The following CCNDBP1 variants were observed in gnomAD, a reference collection of about 807,000 sequenced individuals.
CCNDBP1 encodes the protein cyclin D1 binding protein 1, also known as cyclin-D1-binding protein 1.
In CCNDBP1, 45 loss-of-function variants were observed where a neutral mutation model predicts 46.2. That is an observed-to-expected ratio of 0.97 (90% CI 0.77 to 1.25). CCNDBP1 has a LOEUF of 1.25. Ranked by LOEUF, CCNDBP1 falls within the 50% of genes most tolerant of loss-of-function variation. CCNDBP1 has a pLI of 0.00. For synonymous variants in CCNDBP1, 154 were observed against 163.6 expected, an observed-to-expected ratio of 0.94 and a Z score of 0.45; for missense variants, 436 against 442.1, an observed-to-expected ratio of 0.99 and a Z score of 0.12.
rs2042022087 is a variant in CCNDBP1, at chr15:43,195,099, C to T, written c.*258C>T. The T allele has an allele frequency of 3.0e-6, 1 of 330,050 alleles. No individual in the cohort carries two copies. The highest frequency in any genetic ancestry group is 5.1e-5 in the East Asian group (1 of 19,714). 20.4% of individuals were successfully genotyped at this position (330,050 alleles called of 1,614,324 possible). A position where few individuals can be genotyped will look rare whatever the true frequency, so the allele number is the denominator to read the frequency against. The stretch of plus-strand genomic sequence containing the variant: ...TTCCTGAGTCATTTCTCAGAGATTC[C>T]TAGGAAAGCTGCCTTATTCTCTTTT... On this transcript the variant is annotated 3_prime_UTR_variant, in exon 11 of 11. Transcript: ENST00000300213.
intron 2 of CCNDBP1, 103 bp downstream of exon 2, chr15:43,185,982 G>A: frequency 7.9e-7 from 1 of 1,267,600 alleles, no homozygotes; most frequent in Non-Finnish European, 1.1e-6. Context: ...CTCCCCCGCT[G>A]CATCCTTTCT....
chr15:43,185,683 G>A (rs1055744562), intron 1 of CCNDBP1, 76 bp downstream of exon 1: 3 of 1,271,444 alleles, frequency 2.4e-6, no homozygotes, highest in Admixed American at 4.4e-5. Context: ...CGGGGTCGGG[G>A]AGAGGCCGGG....
intron 3 of CCNDBP1, among the ~76,000 whole-genome samples, chr15:43,187,695 CCTTT>C (rs2041876087): frequency 6.6e-6 from 1 of 152,064 alleles, no homozygotes; most frequent in Non-Finnish European, 1.5e-5. Context: ...TCTGCTAACC[CCTTT>C]CTTTCAAATG....
chr15:43,187,865 A>T (rs2041878347), intron 3 of CCNDBP1, among the ~76,000 whole-genome samples: 1 of 152,278 alleles, frequency 6.6e-6, no homozygotes, highest in South Asian at 2.1e-4. Context: ...ATTCAAGTAT[A>T]TACATATATT....
At position 43,189,077 on chromosome 15, in the gene CCNDBP1, CAAAAAAAAAA is replaced by C. The variant is rs763476042; in HGVS notation, c.250-104_250-95del. 1.2e-4 allele frequency: 19 copies of C among 152,196 alleles called. No individual in the cohort carries two copies. The African/African-American group carries it at 1.2e-3, about 10-fold the overall frequency. 9.4% of individuals were successfully genotyped at this position (152,196 alleles called of 1,614,324 possible). ...TGGGTGACAGAGTGAGACTCTGTCT[CAAAAAAAAAA>C]AAAAAAAAAAAAAAAAAGAAAAAGA... On this transcript the variant is annotated intron_variant, in intron 3 of 10. Coordinates refer to ENST00000300213, the MANE Select transcript of CCNDBP1 (RefSeq NM_012142.5).
rs540664090 is a variant in CCNDBP1, at chr15:43,189,468, C to T, written c.331+188C>T. The T allele has an allele frequency of 1.6e-5, 8 of 501,648 alleles. No individual in the cohort carries two copies. In the East Asian group the frequency reaches 2.4e-4, roughly 15 times the overall value. 31.1% of individuals were successfully genotyped at this position (501,648 alleles called of 1,614,324 possible). ...ATTCTAAGATACAGATGCTTTGTTCCTATGACTTCCCATCTCCCCTGCCTT... is the reference window on the plus strand; with the variant it reads ...ATTCTAAGATACAGATGCTTTGTTCTTATGACTTCCCATCTCCCCTGCCTT... On this transcript the variant is annotated intron_variant, in intron 4 of 10. Coordinates refer to ENST00000300213, the MANE Select transcript of CCNDBP1 (RefSeq NM_012142.5).
intron 4 of CCNDBP1, 57 bp from the exon 5 acceptor site, chr15:43,189,998 G>A: frequency 7.0e-7 from 1 of 1,432,832 alleles, no homozygotes; most frequent in East Asian, 2.3e-5. Context: ...ACTCAGGAAA[G>A]CAGATGGTGC....
At chr15:43,185,991 C>G (rs2041819806) in intron 2 of CCNDBP1, 112 bp downstream of exon 2, 1 of 1,212,914 alleles carries the variant, frequency 8.2e-7, no homozygotes, top group Non-Finnish European at 1.2e-6. Flanking sequence ...TGCATCCTTT[C>G]TGTGAGGTAC....
intron 3 of CCNDBP1, among the ~76,000 whole-genome samples, chr15:43,187,190 ATAGG>A (rs953946820): frequency 6.6e-6 from 1 of 151,924 alleles, no homozygotes; most frequent in Non-Finnish European, 1.5e-5. Context: ...GTCTACATAT[ATAGG>A]TGTTTGGAAA....
intron 9 of CCNDBP1, chr15:43,193,008 C>G (rs2041980841): frequency 3.5e-6 from 2 of 570,016 alleles, no homozygotes; most frequent in Admixed American, 3.0e-5. Flanking sequence ...TTTGGTAGTT[C>G]TCTCTTCCAT....
rs1351291704 is a variant in CCNDBP1, at chr15:43,193,010, C to G, written c.921+207C>G. On this transcript the variant is annotated intron_variant, in intron 9 of 10. Transcript: ENST00000300213. ...AATAGCCATGAGCTTTGGTAGTTCT[C>G]TCTTCCATAATCACCTGGGTAATCA... The G allele has an allele frequency of 7.0e-6, 4 of 567,718 alleles. No homozygotes were observed. In the East Asian group the frequency reaches 1.1e-4, roughly 16 times the overall value. The allele number at this position is 567,718 out of a possible 1,614,324, so 35.2% of individuals were successfully genotyped here.
intron 3 of CCNDBP1, 84 bp from the exon 4 acceptor site, chr15:43,189,108 AAAGAAAG>A: frequency 2.0e-6 from 1 of 492,868 alleles, no homozygotes; most frequent in Non-Finnish European, 3.5e-6. Flanking sequence ...AAAAAAAGAA[AAAGAAAG>A]AAAAGAAAAA....
At chr15:43,188,588 C>T (rs1332061257) in intron 3 of CCNDBP1, 1 of 152,274 alleles carries the variant, frequency 6.6e-6, no homozygotes, top group East Asian at 1.9e-4. Flanking sequence ...AGTTTGCCAG[C>T]TCCTGGTCTA....
chr15:43,186,105 G>A (rs545408723), intron 2 of CCNDBP1, 49 bp from the exon 3 acceptor site: 1 of 1,526,408 alleles, frequency 6.6e-7, no homozygotes, highest in South Asian at 1.1e-5. Context: ...TTCCAAGTCC[G>A]TGCAGCACTA....
chr15:43,186,546 C>T (rs938384526), intron 3 of CCNDBP1, among the ~76,000 whole-genome samples: 1 of 152,106 alleles, frequency 6.6e-6, no homozygotes, highest in African/African-American at 2.4e-5. Context: ...GACAGATGAG[C>T]AAGGAGGCTC....
chr15:43,190,214 CATT>C (rs1477016716), intron 5 of CCNDBP1, 63 bp downstream of exon 5: 30 of 1,592,386 alleles, frequency 1.9e-5, no homozygotes, highest in Non-Finnish European at 2.6e-5. Flanking sequence ...GGGAAAAGCT[CATT>C]TTAACAGCAA....
intron 9 of CCNDBP1, chr15:43,193,310 G>A (rs1415900479): frequency 9.5e-6 from 1 of 104,730 alleles, no homozygotes; most frequent in African/African-American, 3.8e-5. Context: ...TCCAGCCTGA[G>A]CAACAGAGCA....
intron 8 of CCNDBP1, 93 bp downstream of exon 8, chr15:43,191,768 T>C: frequency 6.9e-7 from 1 of 1,443,076 alleles, no homozygotes; most frequent in South Asian, 1.4e-5. Flanking sequence ...TTTTTATATT[T>C]TGAAATTTTT....
chr15:43,190,440 C>T (rs1567263540), intron 6 of CCNDBP1, 42 bp downstream of exon 6: 1 of 1,495,460 alleles, frequency 6.7e-7, no homozygotes. Context: ...CTGGCCAAAG[C>T]AAAGAGACCT....
Sources: allele counts gnomAD v4.1 joint callset (sites outside exome capture counted in the v4.1 genomes callset), GRCh38; gene constraint gnomAD v4.1.1; transcripts MANE v1.5; gene names NCBI Gene and HGNC (gene_info 2026-07-23, HGNC 2026-07-21).